AUTS2: variants seen among roughly 807,000 people sequenced by gnomAD.
AUTS2 encodes the protein autism susceptibility gene 2 protein.
A neutral mutation model predicts 112.4 loss-of-function variants in AUTS2; 17 were observed. That is an observed-to-expected ratio of 0.15 (90% CI 0.10 to 0.23). The LOEUF (loss-of-function observed/expected upper bound fraction) is 0.23, where lower values mean the gene tolerates loss of function less well. Among genes scored for constraint, AUTS2 ranks in the 10% least tolerant of loss-of-function variants. AUTS2 has a pLI of 1.00. For missense variants in AUTS2, 1,510 were observed against 1,701.6 expected (o/e 0.89, Z 1.98); for synonymous variants, 751 against 702.7 (o/e 1.07, Z -1.09).
intron 6 of AUTS2, among the ~76,000 whole-genome samples, chr7:70,752,696 A>G (rs17684339): frequency 0.09 from 13,638 of 152,218 alleles, 746 homozygotes; most frequent in East Asian, 0.18. Context: ...TGAAGTGACA[A>G]TCACATGGAT....
At chr7:69,621,159 A>G (rs527551227) in intron 1 of AUTS2, among the ~76,000 whole-genome samples, 3 of 152,308 alleles carry the variant, frequency 2.0e-5, no homozygotes, top group African/African-American at 4.8e-5. Flanking sequence ...GAGTGGTTCT[A>G]TGAGGTTGGT....
At chr7:70,760,082 T>G (rs1187782619) in intron 6 of AUTS2, among the ~76,000 whole-genome samples, 1 of 151,912 alleles carries the variant, frequency 6.6e-6, no homozygotes, top group Non-Finnish European at 1.5e-5. Context: ...CTCAGCTCAC[T>G]GCAACCTCTG....
chr7:70,371,252 G>T (rs1308756598), intron 4 of AUTS2, among the ~76,000 whole-genome samples: 9 of 152,206 alleles, frequency 5.9e-5, no homozygotes, highest in Admixed American at 5.9e-4. Flanking sequence ...TGGGGATATA[G>T]CCCAGGTATC....
intron 1 of AUTS2, among the ~76,000 whole-genome samples, chr7:69,839,073 A>G (rs778088005): frequency 8.5e-5 from 13 of 152,150 alleles, no homozygotes; most frequent in Non-Finnish European, 1.8e-4. Context: ...GATTTGCAGG[A>G]TTTCTGTTCG....
intron 18 of AUTS2, among the ~76,000 whole-genome samples, chr7:70,789,492 G>C (rs1479243401): frequency 1.3e-5 from 2 of 152,126 alleles, no homozygotes; most frequent in Admixed American, 6.5e-5. Flanking sequence ...CATGCAGAGA[G>C]ATTCTTGCTC....
In AUTS2 at chr7:70,787,402, C is replaced by T; in HGVS notation, c.2502C>T (p.Asp834=). The T allele has an allele frequency of 1.2e-6, 2 of 1,613,272 alleles. No individual in the cohort carries two copies. The highest frequency in any genetic ancestry group is 1.7e-6 in the Non-Finnish European group (2 of 1,179,454). The stretch of plus-strand genomic sequence containing the variant: ...GAGATAGAGATGTAGATAAACGAGA[C>T]TCATCTGTTAGTAAAGATGACAAAG... ...HDRDRDVDKR[D]SSVSKDDKER... is the part of the protein sequence containing the mutation. Residue 834 remains aspartate (D), a synonymous_variant, in exon 18 of 19, where the codon GAC becomes GAT. Transcript: ENST00000342771.
chr7:69,809,769 AT>A (rs1294947709), intron 1 of AUTS2, among the ~76,000 whole-genome samples: 1 of 152,166 alleles, frequency 6.6e-6, no homozygotes, highest in Non-Finnish European at 1.5e-5. Flanking sequence ...GGTACAACAG[AT>A]TGTTCTGCTT....
chr7:70,240,426 G>A (rs990813087), intron 4 of AUTS2, among the ~76,000 whole-genome samples: 2 of 152,202 alleles, frequency 1.3e-5, no homozygotes, highest in African/African-American at 2.4e-5. Flanking sequence ...TATGGAAGGA[G>A]CTGGGTAAAT....
At chr7:70,723,863 CT>C (rs1215118521) in intron 6 of AUTS2, among the ~76,000 whole-genome samples, 1 of 151,676 alleles carries the variant, frequency 6.6e-6, no homozygotes, top group Non-Finnish European at 1.5e-5. Context: ...GTTTATAGAC[CT>C]TTGCAAGTAT....
intron 4 of AUTS2, among the ~76,000 whole-genome samples, chr7:70,255,953 G>A (rs1437931924): frequency 1.3e-5 from 2 of 152,160 alleles, no homozygotes; most frequent in Non-Finnish European, 2.9e-5. Context: ...CAACGTTATT[G>A]CTGAAAACTT....
intron 1 of AUTS2, among the ~76,000 whole-genome samples, chr7:69,632,486 G>A (rs769444670): frequency 5.3e-5 from 8 of 151,784 alleles, no homozygotes; most frequent in Non-Finnish European, 1.0e-4. Flanking sequence ...TTAGGCTGAC[G>A]TGCTCTCCTT....
intron 5 of AUTS2, among the ~76,000 whole-genome samples, chr7:70,658,671 A>G (rs1806908364): frequency 6.6e-6 from 1 of 152,222 alleles, no homozygotes; most frequent in Admixed American, 6.5e-5. Flanking sequence ...ATTGCAAACA[A>G]CAGCCCAGTG....
At chr7:70,648,341 T>C (rs967534907) in intron 5 of AUTS2, among the ~76,000 whole-genome samples, 5 of 152,136 alleles carry the variant, frequency 3.3e-5, no homozygotes, top group African/African-American at 1.2e-4. Flanking sequence ...GGACTTCAGC[T>C]TTCTCATCTG....
intron 5 of AUTS2, among the ~76,000 whole-genome samples, chr7:70,608,355 C>T (rs10248451): frequency 0.026 from 3,902 of 152,184 alleles, 166 homozygotes; most frequent in African/African-American, 0.088. Flanking sequence ...TCCTCCCACC[C>T]TGGACTCCCA....
intron 1 of AUTS2, among the ~76,000 whole-genome samples, chr7:69,836,900 G>T (rs1791752793): frequency 6.6e-6 from 1 of 152,102 alleles, no homozygotes; most frequent in East Asian, 1.9e-4. Flanking sequence ...TCACTCTAGT[G>T]GGGGAAATAG....
intron 4 of AUTS2, among the ~76,000 whole-genome samples, chr7:70,169,958 T>C (rs1373801297): frequency 6.6e-6 from 1 of 152,066 alleles, no homozygotes; most frequent in Admixed American, 6.6e-5. Context: ...ATTGCATCAT[T>C]CCCTAAATAG....
intron 1 of AUTS2, among the ~76,000 whole-genome samples, chr7:69,854,074 A>T (rs528301090): frequency 6.6e-6 from 1 of 152,234 alleles, no homozygotes; most frequent in South Asian, 2.1e-4. Flanking sequence ...TCCTTCTCTA[A>T]CATATTCCAT....
chr7:70,104,557 G>C (rs1268113083), intron 2 of AUTS2, among the ~76,000 whole-genome samples: 4 of 152,200 alleles, frequency 2.6e-5, no homozygotes, highest in African/African-American at 7.2e-5. Context: ...TGTTTCATTA[G>C]ATGTTAATGT....
At chr7:69,823,826 G>A (rs566705697) in intron 1 of AUTS2, among the ~76,000 whole-genome samples, 2 of 152,174 alleles carry the variant, frequency 1.3e-5, no homozygotes, top group African/African-American at 2.4e-5. Flanking sequence ...AAATGTAAAC[G>A]TTTCATATGA....
Sources: gnomAD v4.1 joint callset for allele counts (sites outside exome capture counted in the v4.1 genomes callset) on GRCh38, gnomAD v4.1.1 for gene constraint, MANE v1.5 for transcripts, NCBI Gene and HGNC (gene_info 2026-07-23, HGNC 2026-07-21) for gene names.